The following ST6GAL1 variants were observed in gnomAD, a reference collection of about 807,000 sequenced individuals.
The protein encoded by ST6GAL1 is beta-galactoside alpha-2,6-sialyltransferase 1.
A neutral mutation model predicts 38.0 loss-of-function variants in ST6GAL1; 20 were observed. The ratio of observed to expected loss-of-function variants is 0.53; its 90% confidence interval spans 0.37 to 0.77. The LOEUF is 0.77. Among genes scored for constraint, ST6GAL1 ranks in the 30% least tolerant of loss-of-function variants. The probability of loss-of-function intolerance (pLI) is 0.00; values close to 1 mark genes in which losing one functional copy is unlikely to be tolerated. For synonymous variants in ST6GAL1, 196 were observed against 188.2 expected (o/e 1.04, Z -0.34); for missense variants, 432 against 496.4 (o/e 0.87, Z 1.23).
At chr3:186,997,968 C>A (rs972758152) in intron 2 of ST6GAL1, among the ~76,000 whole-genome samples, 1 of 151,886 alleles carries the variant, frequency 6.6e-6, no homozygotes, top group Admixed American at 6.6e-5. Context: ...AAAAAGAGGC[C>A]GGGCATGGTG....
chr3:187,023,922 T>C (rs969454220), intron 2 of ST6GAL1, among the ~76,000 whole-genome samples: 1 of 150,496 alleles, frequency 6.6e-6, no homozygotes, highest in African/African-American at 2.4e-5. Flanking sequence ...ACCTATCGCA[T>C]GAGTATTGGT....
intron 2 of ST6GAL1, among the ~76,000 whole-genome samples, chr3:186,974,279 A>G (rs370184803): frequency 1.3e-5 from 2 of 152,026 alleles, no homozygotes; most frequent in East Asian, 1.9e-4. Context: ...CCCATATCCA[A>G]CCATCCACAG....
At chr3:186,972,427 T>G (rs35176921) in intron 2 of ST6GAL1, among the ~76,000 whole-genome samples, 8,254 of 152,156 alleles carry the variant, frequency 0.054, 282 homozygotes, top group South Asian at 0.12. Context: ...TTTTTGTGTT[T>G]TTAGTAGAGA....
At chr3:186,965,828 T>G (rs1715092328) in intron 2 of ST6GAL1, among the ~76,000 whole-genome samples, 2 of 152,212 alleles carry the variant, frequency 1.3e-5, no homozygotes, top group African/African-American at 2.4e-5. Flanking sequence ...CTTCCTGAGG[T>G]GCCTCTCTAG....
At chr3:187,044,832 A>G (rs1203241566) in intron 4 of ST6GAL1, among the ~76,000 whole-genome samples, 1 of 152,226 alleles carries the variant, frequency 6.6e-6, no homozygotes, top group Non-Finnish European at 1.5e-5. Context: ...ATATTTTTCT[A>G]TAGATTGCAG....
At chr3:187,007,654 A>G (rs1390280972) in intron 2 of ST6GAL1, among the ~76,000 whole-genome samples, 3 of 152,242 alleles carry the variant, frequency 2.0e-5, no homozygotes, top group Non-Finnish European at 2.9e-5. Context: ...AAATTTACTC[A>G]ATATCAAAAC....
At chr3:187,054,021 T>C (rs543779482) in intron 5 of ST6GAL1, among the ~76,000 whole-genome samples, 2 of 152,184 alleles carry the variant, frequency 1.3e-5, no homozygotes, top group Admixed American at 6.5e-5. Context: ...TCACATCCCT[T>C]GTAAGTTGGA....
At chr3:187,057,941 G>A (rs2108592215) in intron 5 of ST6GAL1, among the ~76,000 whole-genome samples, 1 of 152,280 alleles carries the variant, frequency 6.6e-6, no homozygotes, top group East Asian at 1.9e-4. Flanking sequence ...GACCTGCAGT[G>A]GGCTCCACCT....
chr3:186,980,266 G>A (rs9869112), intron 2 of ST6GAL1, among the ~76,000 whole-genome samples: 68,507 of 151,850 alleles, frequency 0.45, 16,083 homozygotes, highest in East Asian at 0.78. Context: ...AGTGGATGCA[G>A]CGGGCACCCT....
chr3:187,075,581 G>A lies in ST6GAL1; in HGVS notation c.999G>A (p.Thr333=), dbSNP rs200605389. 296 of 1,614,184 alleles carry A rather than the reference G, an allele frequency of 1.8e-4. 2 individuals carry two copies. In the East Asian group the frequency reaches 6.0e-3, roughly 33 times the overall value. Residue 333 remains threonine, a synonymous_variant, in exon 8 of 8, where the codon ACG becomes ACA. Transcript: ENST00000169298. This position sits in a 1 kb window ranked among gnomAD's most constrained non-coding sequence, Gnocchi z 4.1. ...SGMLGIIIMM[T]LCDQVDIYEF... is the part of the protein sequence containing the mutation. ...CTCCAGGTATCATCATCATGATGAC[G>A]CTGTGTGACCAGGTGGATATTTATG... is the stretch of plus-strand genomic sequence containing the variant.
chr3:186,980,087 CGA>C (rs1715643782), intron 2 of ST6GAL1, among the ~76,000 whole-genome samples: 1 of 152,136 alleles, frequency 6.6e-6, no homozygotes, highest in Non-Finnish European at 1.5e-5. Context: ...ATAAAACAAA[CGA>C]TGATGGAATC....
chr3:186,933,121 T>C (rs1713817707), intron 1 of ST6GAL1, among the ~76,000 whole-genome samples: 1 of 152,222 alleles, frequency 6.6e-6, no homozygotes, highest in South Asian at 2.1e-4. Context: ...CCTAATTGAT[T>C]CCTACATTTC....
rs1464772600 is a variant in ST6GAL1 at position 187,051,309 on chromosome 3, T to C, written c.668T>C (p.Val223Ala). Residue 223 changes from valine to alanine, a missense_variant, in exon 5 of 8, where the codon GTG becomes GCG. Coordinates refer to ENST00000169298, the MANE Select transcript of ST6GAL1 (RefSeq NM_173216.2). ...GAPTANFQQD[V>A]GTKTTIRLMN... ...CCCACAGCCAACTTCCAACAAGATGTGGGCACAAAAACTACCATTCGCCTG... is the reference window on the plus strand; with the variant it reads ...CCCACAGCCAACTTCCAACAAGATGCGGGCACAAAAACTACCATTCGCCTG... 6.2e-7 allele frequency: 1 copy of C among 1,614,182 alleles called. No individual in the cohort carries two copies. Among genetic ancestry groups the C allele is most frequent in the African/African-American group, 1.3e-5 (1 of 75,060 alleles).
At chr3:187,016,104 C>A (rs2108561651) in intron 2 of ST6GAL1, among the ~76,000 whole-genome samples, 1 of 152,332 alleles carries the variant, frequency 6.6e-6, no homozygotes, top group Non-Finnish European at 1.5e-5. Context: ...TTTCATCCTT[C>A]CTTTCTTTCT....
chr3:187,053,086 TA>T (rs1718571491), intron 5 of ST6GAL1, among the ~76,000 whole-genome samples: 1 of 152,266 alleles, frequency 6.6e-6, no homozygotes, highest in Non-Finnish European at 1.5e-5. Flanking sequence ...GTTGGCTGCA[TA>T]AATGTCTTCT....
chr3:187,012,189 T>TA (rs1221463535), intron 2 of ST6GAL1, among the ~76,000 whole-genome samples: 1 of 152,208 alleles, frequency 6.6e-6, no homozygotes, highest in Non-Finnish European at 1.5e-5. Flanking sequence ...TGGCTCTCAA[T>TA]AAACTGTCTG....
chr3:186,950,841 G>C (rs974238234), intron 1 of ST6GAL1, among the ~76,000 whole-genome samples: 1 of 152,222 alleles, frequency 6.6e-6, no homozygotes, highest in African/African-American at 2.4e-5. Flanking sequence ...ATAAAAACAG[G>C]ATTTTATTTG....
intron 2 of ST6GAL1, among the ~76,000 whole-genome samples, chr3:186,974,726 T>G (rs55646066): frequency 0.099 from 14,448 of 145,840 alleles, 923 homozygotes; most frequent in Non-Finnish European, 0.14. Flanking sequence ...AGAGCCTGGT[T>G]GGGGGGGGGG....
At position 187,077,088 on chromosome 3, in the gene ST6GAL1, A is replaced by G; in HGVS notation, c.*1285A>G. 2.5e-6 allele frequency: 1 copy of G among 397,646 alleles called. No homozygotes were observed. Among genetic ancestry groups the G allele is most frequent in the Non-Finnish European group, 4.4e-6 (1 of 225,894 alleles). 24.6% of individuals were successfully genotyped at this position (397,646 alleles called of 1,614,324 possible). The stretch of plus-strand genomic sequence containing the variant: ...AGGGTGTAGTGGTGTGGCTCTCTGG[A>G]CTTAACGTCACTCTCAGAGGTCAGA... On this transcript the variant is annotated 3_prime_UTR_variant, in exon 8 of 8. Coordinates refer to ENST00000169298, the MANE Select transcript of ST6GAL1 (RefSeq NM_173216.2).
Sources: allele counts gnomAD v4.1 joint callset (sites outside exome capture counted in the v4.1 genomes callset), GRCh38; gene constraint gnomAD v4.1.1; non-coding constraint Gnocchi (gnomAD v3.1); transcripts MANE v1.5; gene names NCBI Gene and HGNC (gene_info 2026-07-23, HGNC 2026-07-21).